The following KCNMB2 variants were observed in gnomAD, a reference collection of about 807,000 sequenced individuals.
KCNMB2 encodes calcium-activated potassium channel subunit beta-2.
A neutral mutation model predicts 24.5 loss-of-function variants in KCNMB2; 9 were observed. That is an observed-to-expected ratio of 0.37 (90% confidence interval 0.22 to 0.64). KCNMB2 has a LOEUF of 0.64. Among genes scored for constraint, KCNMB2 ranks in the 30% least tolerant of loss-of-function variants. The pLI, the probability that KCNMB2 is intolerant of heterozygous loss-of-function variation, is 0.63. For synonymous variants in KCNMB2, 109 were observed against 104.4 expected (o/e 1.04, Z -0.27); for missense variants, 226 against 284.3 (o/e 0.79, Z 1.47).
chr3:178,702,278 G>A (rs1722127031), intron 1 of KCNMB2, among the ~76,000 whole-genome samples: 1 of 107,360 alleles, frequency 9.3e-6, no homozygotes, highest in African/African-American at 3.7e-5. Flanking sequence ...ACTAGGGCCT[G>A]TTGTGGGGTG....
At chr3:178,726,830 A>C (rs1301702131) in intron 1 of KCNMB2, among the ~76,000 whole-genome samples, 4 of 152,110 alleles carry the variant, frequency 2.6e-5, no homozygotes, top group Non-Finnish European at 5.9e-5. Flanking sequence ...GTAGCTCAAG[A>C]TCACAGCCTG....
intron 1 of KCNMB2, among the ~76,000 whole-genome samples, chr3:178,614,287 A>ATATATATATATG (rs1718616528): frequency 5.4e-5 from 4 of 74,510 alleles, no homozygotes; most frequent in African/African-American, 1.8e-4. Flanking sequence ...ATATATATAT[A>ATATATATATATG]TATATATATG....
chr3:178,677,587 C>A (rs1247757011), intron 1 of KCNMB2, among the ~76,000 whole-genome samples: 1 of 152,186 alleles, frequency 6.6e-6, no homozygotes, highest in Non-Finnish European at 1.5e-5. Context: ...CACTTCCCAG[C>A]CTCCTCCTAA....
chr3:178,639,574 T>A (rs751483020), intron 1 of KCNMB2, among the ~76,000 whole-genome samples: 1 of 152,188 alleles, frequency 6.6e-6, no homozygotes, highest in Non-Finnish European at 1.5e-5. Context: ...AATAAAATAA[T>A]ATCTATATAA....
chr3:178,644,145 T>A lies in KCNMB2; in HGVS notation c.-68+107434T>A, dbSNP rs144006302. Among the ~76,000 whole-genome samples, 4 of 152,220 alleles carry A rather than the reference T, an allele frequency of 2.6e-5. No individual in the cohort carries two copies. The East Asian group carries it at 7.7e-4, about 29-fold the overall frequency. On this transcript the variant is annotated intron_variant, in intron 1 of 4. Transcript: ENST00000452583. ...TCCGAGCAAGGCAAAAACAAAGTAC[T>A]CCACCAGAATGCCTAAATCAGGGAA...
At chr3:178,788,686 A>G (rs1407261437) in intron 1 of KCNMB2, among the ~76,000 whole-genome samples, 1 of 152,214 alleles carries the variant, frequency 6.6e-6, no homozygotes, top group African/African-American at 2.4e-5. Flanking sequence ...ACCTGAATCT[A>G]ATTTAAAAGT....
chr3:178,623,260 C>A (rs1718985315), intron 1 of KCNMB2, among the ~76,000 whole-genome samples: 1 of 152,184 alleles, frequency 6.6e-6, no homozygotes, highest in Non-Finnish European at 1.5e-5. Flanking sequence ...CACCATAGGG[C>A]CACACTTACG....
intron 1 of KCNMB2, among the ~76,000 whole-genome samples, chr3:178,606,765 G>T (rs1204813487): frequency 6.6e-6 from 1 of 152,136 alleles, no homozygotes; most frequent in Non-Finnish European, 1.5e-5. Flanking sequence ...TAATATGATG[G>T]TATTAAGAGG....
rs780344020 is a variant in KCNMB2, at chr3:178,843,233, G to C, written c.*296G>C. ...CAGGGCTCAGTTATTCATTTGCCAAGCTTCGTGGAGGAATGTAGGTGACAT... is the reference window on the plus strand; with the variant it reads ...CAGGGCTCAGTTATTCATTTGCCAACCTTCGTGGAGGAATGTAGGTGACAT... On this transcript the variant is annotated 3_prime_UTR_variant, in exon 5 of 5. Transcript: ENST00000452583. The C allele has an allele frequency of 1.2e-5, 6 of 502,914 alleles. No individual in the cohort carries two copies. The highest frequency in any genetic ancestry group is 9.2e-5 in the South Asian group (6 of 64,956). 31.2% of individuals were successfully genotyped at this position (502,914 alleles called of 1,614,324 possible). A position where few individuals can be genotyped will look rare whatever the true frequency, so the allele number is the denominator to read the frequency against.
intron 1 of KCNMB2, among the ~76,000 whole-genome samples, chr3:178,790,905 G>C (rs987583722): frequency 1.3e-5 from 2 of 152,258 alleles, no homozygotes; most frequent in African/African-American, 2.4e-5. Flanking sequence ...TACTGGGCTT[G>C]AGGTATCCCA....
chr3:178,645,414 C>T (rs1425988865), intron 1 of KCNMB2, among the ~76,000 whole-genome samples: 1 of 152,124 alleles, frequency 6.6e-6, no homozygotes, highest in Non-Finnish European at 1.5e-5. Context: ...TGAAAGCAAA[C>T]TCCTGAGACA....
intron 1 of KCNMB2, among the ~76,000 whole-genome samples, chr3:178,790,208 T>G (rs529628164): frequency 6.6e-6 from 1 of 151,848 alleles, no homozygotes; most frequent in South Asian, 2.1e-4. Flanking sequence ...CAGGTAGGAT[T>G]TATCACCTGC....
chr3:178,560,037 A>G (rs1716258204), intron 1 of KCNMB2, among the ~76,000 whole-genome samples: 2 of 147,874 alleles, frequency 1.4e-5, no homozygotes, highest in South Asian at 2.1e-4. Flanking sequence ...TATATTATAC[A>G]TATCTTTTTT....
chr3:178,720,073 G>T (rs1722746392), intron 1 of KCNMB2, among the ~76,000 whole-genome samples: 1 of 151,906 alleles, frequency 6.6e-6, no homozygotes, highest in African/African-American at 2.4e-5. Flanking sequence ...TTGGTGTGCT[G>T]CTCCCATTAA....
chr3:178,699,108 C>A (rs149207337), intron 1 of KCNMB2, among the ~76,000 whole-genome samples: 270 of 152,358 alleles, frequency 1.8e-3, no homozygotes, highest in Middle Eastern at 0.01. Flanking sequence ...AGGGCCCCTG[C>A]TGGAGCCTAT....
At chr3:178,665,477 T>C (rs1477846334) in intron 1 of KCNMB2, among the ~76,000 whole-genome samples, 1 of 152,206 alleles carries the variant, frequency 6.6e-6, no homozygotes, top group Admixed American at 6.6e-5. Flanking sequence ...CGTAACATTT[T>C]ATTACATAGT....
At chr3:178,794,317 G>T (rs746030444) in intron 1 of KCNMB2, among the ~76,000 whole-genome samples, 3 of 152,104 alleles carry the variant, frequency 2.0e-5, no homozygotes, top group Non-Finnish European at 4.4e-5. Context: ...TCAAAGACCG[G>T]CTGTCCCCTC....
intron 1 of KCNMB2, among the ~76,000 whole-genome samples, chr3:178,786,287 C>A (rs1007830141): frequency 6.6e-6 from 1 of 152,084 alleles, no homozygotes. Context: ...GTCCAGTGAA[C>A]CATATTTTCT....
At chr3:178,541,454 A>T (rs965675488) in intron 1 of KCNMB2, among the ~76,000 whole-genome samples, 1 of 152,176 alleles carries the variant, frequency 6.6e-6, no homozygotes, top group African/African-American at 2.4e-5. Context: ...CAGCAGTAGT[A>T]ATCAGTTAAT....
Sources: allele counts gnomAD v4.1 joint callset (sites outside exome capture counted in the v4.1 genomes callset), GRCh38; gene constraint gnomAD v4.1.1; transcripts MANE v1.5; gene names NCBI Gene and HGNC (gene_info 2026-07-23, HGNC 2026-07-21).